The following MYRF variants were observed in gnomAD, a reference collection of about 807,000 sequenced individuals.
The protein encoded by MYRF is myelin regulatory factor.
MYRF carries 16 observed loss-of-function variants against 126.3 expected under a neutral mutation model. The ratio of observed to expected loss-of-function variants is 0.13; its 90% CI spans 0.09 to 0.19. MYRF has a LOEUF of 0.19. Ranked by LOEUF, MYRF falls within the 10% of genes least tolerant of loss-of-function variation. The pLI, the probability that MYRF is intolerant of heterozygous loss-of-function variation, is 1.00. For synonymous variants in MYRF, 608 were observed against 635.3 expected (o/e 0.96, Z 0.65); for missense variants, 1,104 against 1,547.0 (o/e 0.71, Z 4.80).
At chr11:61,756,623 G>A (rs1180341967) in intron 1 of MYRF, among the ~76,000 whole-genome samples, 2 of 151,098 alleles carry the variant, frequency 1.3e-5, no homozygotes, top group African/African-American at 4.9e-5. Flanking sequence ...GGCAGGGGTG[G>A]GGGGTGGGCA....
chr11:61,784,441 C>A, intron 25 of MYRF, 56 bp downstream of exon 25: 1 of 1,445,388 alleles, frequency 6.9e-7, no homozygotes, highest in Non-Finnish European at 9.6e-7. Flanking sequence ...TCTCTCCTGG[C>A]ACAACTGGGC....
Position 61,783,686 on chromosome 11 carries a change from C to G in MYRF, c.3119+86C>G, listed in dbSNP as rs529183943. On this transcript the variant is annotated intron_variant, in intron 23 of 26. Coordinates refer to ENST00000278836, the MANE Select transcript of MYRF (RefSeq NM_001127392.3). This position sits in a 1 kb window ranked among gnomAD's most constrained non-coding sequence, Gnocchi z 4.6. The stretch of plus-strand genomic sequence containing the variant: ...ACAGATCACCCGGAACTTGCCCTTT[C>G]AGGGAGGAGCCTCCCCCATAAGGAA... The G allele has an allele frequency of 5.7e-6, 8 of 1,409,966 alleles. No individual in the cohort carries two copies. The African/African-American group carries it at 1.1e-4, about 20-fold the overall frequency. The allele number at this position is 1,409,966 out of a possible 1,614,324, so 87.3% of individuals were successfully genotyped here.
Position 61,781,776 on chromosome 11 carries a change from C to CAGTCCAGCGTGGGCCCTGCTG in MYRF, c.2971_2991dup (p.Ser991_Glu997dup). On this transcript the variant is annotated inframe_insertion, in exon 22 of 27. Coordinates refer to ENST00000278836, the MANE Select transcript of MYRF (RefSeq NM_001127392.3). ...TGGCCGGGCCCGCCGAGGGGCCCTC[C>CAGTCCAGCGTGGGCCCTGCTG]AGTCCAGCGTGGGCCCTGCTGAGCC... The CAGTCCAGCGTGGGCCCTGCTG allele has an allele frequency of 6.2e-7, 1 of 1,608,914 alleles. No homozygotes were observed. The highest frequency in any genetic ancestry group is 8.5e-7 in the Non-Finnish European group (1 of 1,178,168).
chr11:61,768,487 T>G (rs1479462093), intron 3 of MYRF: 1 of 152,222 alleles, frequency 6.6e-6, no homozygotes, highest in African/African-American at 2.4e-5. Context: ...GTTGTATAGG[T>G]TTCTACATGA....
Position 61,786,217 on chromosome 11 carries a change from G to A in MYRF, c.*74G>A, listed in dbSNP as rs2066691896. 7.0e-7 allele frequency: 1 copy of A among 1,420,090 alleles called. No individual in the cohort carries two copies. Among genetic ancestry groups the A allele is most frequent in the Non-Finnish European group, 9.9e-7 (1 of 1,007,750 alleles). The allele number at this position is 1,420,090 out of a possible 1,614,324, so 88.0% of individuals were successfully genotyped here. A position where few individuals can be genotyped will look rare whatever the true frequency, so the allele number is the denominator to read the frequency against. Reference sequence around the variant, plus strand: ...ACCCCCCAACACTGGATGCAATGGTGTTACACTGGAGCCCGCTGCAGGCCA... The same window carrying A: ...ACCCCCCAACACTGGATGCAATGGTATTACACTGGAGCCCGCTGCAGGCCA... On this transcript the variant is annotated 3_prime_UTR_variant, in exon 27 of 27. Coordinates refer to ENST00000278836, the MANE Select transcript of MYRF (RefSeq NM_001127392.3). This position sits in a 1 kb window ranked among gnomAD's most constrained non-coding sequence, Gnocchi z 4.5.
In MYRF at chr11:61,757,651, C is replaced by G. The variant is rs533691050; in HGVS notation, c.46+4861C>G. 7 of 427,630 alleles carry G rather than the reference C, an allele frequency of 1.6e-5. No homozygotes were observed. The highest frequency in any genetic ancestry group is 2.8e-5 in the Non-Finnish European group (6 of 211,534). The allele number at this position is 427,630 out of a possible 1,614,324, so 26.5% of individuals were successfully genotyped here. ...CATCCAGTGGGGCCCGCCCCACCTC[C>G]CCCTCTGAGATTTGGGTTCTGTTCT... On this transcript the variant is annotated intron_variant, in intron 1 of 26. Coordinates refer to ENST00000278836, the MANE Select transcript of MYRF (RefSeq NM_001127392.3). This position sits in a 1 kb window ranked among gnomAD's most constrained non-coding sequence, Gnocchi z 4.7.
chr11:61,770,803 C>A (rs973078473), intron 5 of MYRF, among the ~76,000 whole-genome samples: 1 of 152,148 alleles, frequency 6.6e-6, no homozygotes, highest in Non-Finnish European at 1.5e-5. Flanking sequence ...CCGTCCAGAT[C>A]ATGAGCCAGG....
intron 26 of MYRF, 54 bp downstream of exon 26, chr11:61,785,928 G>T: frequency 1.9e-6 from 3 of 1,582,356 alleles, no homozygotes; most frequent in East Asian, 2.2e-5. Context: ...TGTCTGCGAC[G>T]TGGGGCTTGA....
Position 61,776,754 on chromosome 11 carries a change from C to A in MYRF, c.1500-33C>A. The A allele has an allele frequency of 6.5e-7, 1 of 1,530,552 alleles. No individual in the cohort carries two copies. Among genetic ancestry groups the A allele is most frequent in the Admixed American group, 2.0e-5 (1 of 50,762 alleles). The allele number at this position is 1,530,552 out of a possible 1,614,324, so 94.8% of individuals were successfully genotyped here. ...GGTGGCCCTGGGGGCGGGGGCAGGC[C>A]ATGAGTACTTCTGAGACCCCTGTGT... On this transcript the variant is annotated intron_variant, in intron 10 of 26. Transcript: ENST00000278836. This position sits in a 1 kb window ranked among gnomAD's most constrained non-coding sequence, Gnocchi z 4.3.
At chr11:61,756,771 C>A (rs1340709196) in intron 1 of MYRF, among the ~76,000 whole-genome samples, 2 of 152,040 alleles carry the variant, frequency 1.3e-5, no homozygotes, top group Non-Finnish European at 2.9e-5. Context: ...GTTACCAACC[C>A]TTTGGCCTCA....
At position 61,783,014 on chromosome 11, in the gene MYRF, C is replaced by G. The variant is rs1453616412; in HGVS notation, c.3017-484C>G. 1 of 154,716 alleles carries G rather than the reference C, an allele frequency of 6.5e-6. No homozygotes were observed. The highest frequency in any genetic ancestry group is 6.3e-5 in the Admixed American group (1 of 15,790). 9.6% of individuals were successfully genotyped at this position (154,716 alleles called of 1,614,324 possible). A position where few individuals can be genotyped will look rare whatever the true frequency, so the allele number is the denominator to read the frequency against. ...GTCACACTTCAGTCCCACCCCTACCCAGCCAGCCAGCCTGCAGTCGGTTTG... is the reference window on the plus strand; with the variant it reads ...GTCACACTTCAGTCCCACCCCTACCGAGCCAGCCAGCCTGCAGTCGGTTTG... On this transcript the variant is annotated intron_variant, in intron 22 of 26. Coordinates refer to ENST00000278836, the MANE Select transcript of MYRF (RefSeq NM_001127392.3). The surrounding 1 kb of genome is among the most constrained non-coding windows in gnomAD (Gnocchi z 4.6).
chr11:61,753,671 C>A (rs1591066520), intron 1 of MYRF, among the ~76,000 whole-genome samples: 1 of 151,994 alleles, frequency 6.6e-6, no homozygotes, highest in East Asian at 1.9e-4. Flanking sequence ...CGAAAGGAGC[C>A]CTCTGGGGTG....
chr11:61,781,126 T>C lies in MYRF; in HGVS notation c.2573-12T>C. 1 of 1,612,984 alleles carries C rather than the reference T, an allele frequency of 6.2e-7. No individual in the cohort carries two copies. Among genetic ancestry groups the C allele is most frequent in the Non-Finnish European group, 8.5e-7 (1 of 1,179,948 alleles). ...GGGCTTCTCTGGCTCATACAGCCTC[T>C]GGCCTCCTCAGTGACCACCAGCCTC... On this transcript the variant is annotated splice_polypyrimidine_tract_variant and intron_variant, in intron 20 of 26. Coordinates refer to ENST00000278836, the MANE Select transcript of MYRF (RefSeq NM_001127392.3).
intron 8 of MYRF, among the ~76,000 whole-genome samples, chr11:61,774,795 G>A (rs937761650): frequency 1.3e-5 from 2 of 151,198 alleles, no homozygotes; most frequent in South Asian, 4.2e-4. Context: ...CTGACTCTGT[G>A]CCTCCTTGCC....
intron 8 of MYRF, among the ~76,000 whole-genome samples, chr11:61,775,169 A>T (rs771206767): frequency 6.6e-5 from 10 of 151,208 alleles, no homozygotes; most frequent in Non-Finnish European, 8.9e-5. Context: ...GGGACCCCCA[A>T]CTCCTGCCCC....
Position 61,778,836 on chromosome 11 carries a change from CG to C in MYRF, c.2013+348del, listed in dbSNP as rs1205659347. ...TGAAATACGTGGTTTATTGTGAGGA[CG>C]ACGTTTGTCACTTACCTGTCCTGAG... On this transcript the variant is annotated intron_variant, in intron 14 of 26. Coordinates refer to ENST00000278836, the MANE Select transcript of MYRF (RefSeq NM_001127392.3). This position sits in a 1 kb window ranked among gnomAD's most constrained non-coding sequence, Gnocchi z 4.6. The C allele has an allele frequency of 1.0e-4, 57 of 547,550 alleles. No homozygotes were observed. The East Asian group carries it at 2.5e-3, about 24-fold the overall frequency. 33.9% of individuals were successfully genotyped at this position (547,550 alleles called of 1,614,324 possible). A position where few individuals can be genotyped will look rare whatever the true frequency, so the allele number is the denominator to read the frequency against.
At chr11:61,752,812 G>A (rs1352743187) in intron 1 of MYRF, 22 bp downstream of exon 1, 1 of 1,485,764 alleles carries the variant, frequency 6.7e-7, no homozygotes, top group Middle Eastern at 1.7e-4. Flanking sequence ...CGGGCTGGCG[G>A]CGGCGACCCT....
chr11:61,772,609 C>T (rs545653453), intron 7 of MYRF, among the ~76,000 whole-genome samples: 210 of 152,352 alleles, frequency 1.4e-3, no homozygotes, highest in African/African-American at 4.7e-3. Context: ...GCTGAAGGGT[C>T]CCATGAAGTC....
In MYRF at chr11:61,771,673, C is replaced by T. The variant is rs149837936; in HGVS notation, c.914C>T (p.Pro305Leu). Residue 305 changes from proline (P) to leucine (L), a missense_variant, in exon 6 of 27, where the codon CCG (proline) becomes CTG (leucine). Coordinates refer to ENST00000278836, the MANE Select transcript of MYRF (RefSeq NM_001127392.3). ...PPWPPQGPLS[P>L]GPGSLPLSIA... ...TGGCCTCCCCAGGGTCCGCTCTCCCCGGGCCCTGGTTCCTTGCCTCTCAGC... is the reference window on the plus strand; with the variant it reads ...TGGCCTCCCCAGGGTCCGCTCTCCCTGGGCCCTGGTTCCTTGCCTCTCAGC... 67 of 1,613,780 alleles carry T rather than the reference C, an allele frequency of 4.2e-5. No individual in the cohort carries two copies. Among genetic ancestry groups the T allele is most frequent in the Admixed American group, 1.0e-4 (6 of 60,006 alleles).
Sources: allele counts gnomAD v4.1 joint callset (sites outside exome capture counted in the v4.1 genomes callset), GRCh38; gene constraint gnomAD v4.1.1; non-coding constraint Gnocchi (gnomAD v3.1); transcripts MANE v1.5; gene names NCBI Gene and HGNC (gene_info 2026-07-23, HGNC 2026-07-21).